The following GABRA4 variants were observed in gnomAD, a reference collection of about 807,000 sequenced individuals.
The protein encoded by GABRA4 is gamma-aminobutyric acid receptor subunit alpha-4.
A neutral mutation model predicts 49.7 loss-of-function variants in GABRA4; 12 were observed. That is an observed-to-expected ratio of 0.24 (90% CI 0.15 to 0.39). GABRA4 has a LOEUF of 0.39. Among genes scored for constraint, GABRA4 ranks in the 10% least tolerant of loss-of-function variants. GABRA4 has a pLI of 1.00. For synonymous variants in GABRA4, 288 were observed against 240.2 expected (o/e 1.20, Z -1.84); for missense variants, 506 against 686.0 (o/e 0.74, Z 2.93).
chr4:46,935,438 T>C (rs1721573797), intron 8 of GABRA4, among the ~76,000 whole-genome samples: 1 of 152,172 alleles, frequency 6.6e-6, no homozygotes, highest in Non-Finnish European at 1.5e-5. Context: ...CCAGCTGAAG[T>C]CACATAATAA....
At chr4:46,993,016 A>C in intron 1 of GABRA4, 70 bp from the exon 2 acceptor site, 1 of 1,207,476 alleles carries the variant, frequency 8.3e-7, no homozygotes, top group Admixed American at 1.8e-5. Flanking sequence ...AACAGGTGCA[A>C]ACAGGTTTGT....
chr4:46,980,076 T>A (rs1004307634), intron 2 of GABRA4, among the ~76,000 whole-genome samples: 3 of 152,100 alleles, frequency 2.0e-5, no homozygotes, highest in African/African-American at 7.2e-5. Context: ...AAGTCACATA[T>A]CCTCATAGGT....
At chr4:46,965,715 T>A (rs1722730574) in intron 7 of GABRA4, among the ~76,000 whole-genome samples, 1 of 151,802 alleles carries the variant, frequency 6.6e-6, no homozygotes, top group African/African-American at 2.4e-5. Context: ...TCAGAATTTC[T>A]GGAGTTAAGC....
At chr4:46,985,129 T>C (rs180947531) in intron 2 of GABRA4, among the ~76,000 whole-genome samples, 8 of 152,158 alleles carry the variant, frequency 5.3e-5, no homozygotes, top group Admixed American at 3.3e-4. Context: ...AGAATGATTT[T>C]TAGCAATATA....
Position 46,982,690 on chromosome 4 carries a change from T to C in GABRA4, c.206-3592A>G, listed in dbSNP as rs78121979. ...AAGTTTGATTTGTATCCCATAGTCA[T>C]TGGGAGGCCACTGAGGGTTTGAAGT... On this transcript the variant is annotated intron_variant, in intron 2 of 8. Coordinates refer to ENST00000264318, the MANE Select transcript of GABRA4 (RefSeq NM_000809.4). Among the ~76,000 whole-genome samples, 585 of 152,206 alleles carry C rather than the reference T, an allele frequency of 3.8e-3. 2 individuals are homozygous for C. The highest frequency in any genetic ancestry group is 0.014 in the African/African-American group (565 of 41,540).
chr4:46,937,304 G>A (rs1721635961), intron 8 of GABRA4, among the ~76,000 whole-genome samples: 1 of 152,140 alleles, frequency 6.6e-6, no homozygotes, highest in Non-Finnish European at 1.5e-5. Context: ...AGAACTGTGA[G>A]AAATAAATTT....
At chr4:46,966,274 C>A (rs2109377700) in intron 7 of GABRA4, among the ~76,000 whole-genome samples, 1 of 151,754 alleles carries the variant, frequency 6.6e-6, no homozygotes, top group South Asian at 2.1e-4. Flanking sequence ...TGACACACAA[C>A]ACATTTGGGG....
intron 6 of GABRA4, among the ~76,000 whole-genome samples, chr4:46,972,155 C>T (rs1012238899): frequency 1.3e-5 from 2 of 151,496 alleles, no homozygotes; most frequent in African/African-American, 4.8e-5. Context: ...AGGCAAGGTG[C>T]CCTTTAGAAA....
At chr4:46,934,477 G>A (rs1399408435) in intron 8 of GABRA4, among the ~76,000 whole-genome samples, 2 of 152,054 alleles carry the variant, frequency 1.3e-5, no homozygotes, top group Non-Finnish European at 2.9e-5. Context: ...ATCATATATT[G>A]AGCTCCAAAA....
intron 7 of GABRA4, among the ~76,000 whole-genome samples, chr4:46,970,558 T>C (rs536841980): frequency 1.3e-3 from 192 of 151,484 alleles, no homozygotes; most frequent in African/African-American, 4.3e-3. Flanking sequence ...AAAACCAATG[T>C]TTAGAAAAAA....
chr4:46,988,853 A>T (rs1723636274), intron 2 of GABRA4, among the ~76,000 whole-genome samples: 1 of 152,180 alleles, frequency 6.6e-6, no homozygotes, highest in South Asian at 2.1e-4. Flanking sequence ...GGTTTTAAAG[A>T]TGAGGGTGTG....
At chr4:46,988,446 T>A in intron 2 of GABRA4, among the ~76,000 whole-genome samples, 1 of 152,318 alleles carries the variant, frequency 6.6e-6, no homozygotes, top group East Asian at 1.9e-4. Flanking sequence ...AGCTTTATGT[T>A]GCTGAGAAGT....
intron 8 of GABRA4, among the ~76,000 whole-genome samples, chr4:46,943,899 T>A (rs1417477145): frequency 6.6e-6 from 1 of 152,126 alleles, no homozygotes; most frequent in Non-Finnish European, 1.5e-5. Flanking sequence ...GCTTTTAGGG[T>A]ATCCATCTCC....
At chr4:46,938,460 G>C (rs1057093539) in intron 8 of GABRA4, among the ~76,000 whole-genome samples, 1 of 151,982 alleles carries the variant, frequency 6.6e-6, no homozygotes, top group Admixed American at 6.6e-5. Context: ...TTATCAAGGT[G>C]GGATTTTCAG....
rs192389915 is a variant in GABRA4, at chr4:46,948,099, C to T, written c.1134+16871G>A. Among the ~76,000 whole-genome samples the T allele has an allele frequency of 3.4e-4, 52 of 152,200 alleles. No homozygotes were observed. In the East Asian group the frequency reaches 9.3e-3, roughly 27 times the overall value. ...CTGCATTCTTTTTATTTTACTTTAT[C>T]AACTACTCTCAATATATCAAGAGGC... is the stretch of plus-strand genomic sequence containing the variant. On this transcript the variant is annotated intron_variant, in intron 8 of 8. Coordinates refer to ENST00000264318, the MANE Select transcript of GABRA4 (RefSeq NM_000809.4).
chr4:46,990,268 G>A (rs947801598), intron 2 of GABRA4, among the ~76,000 whole-genome samples: 5 of 152,280 alleles, frequency 3.3e-5, no homozygotes, highest in African/African-American at 1.2e-4. Context: ...AGATCATTTG[G>A]CAGTGACAAA....
Position 46,928,309 on chromosome 4 carries a change from T to C in GABRA4, c.1581A>G (p.Pro527=), listed in dbSNP as rs1721305669. The part of the protein sequence containing the change: ...KIDKYARILF[P]VTFGAFNMVY... ...CCATGTTAAATGCCCCAAATGTGAC[T>C]GGAAAGAGAATACGGGCATATTTGT... Residue 527 remains proline, a synonymous_variant, in exon 9 of 9, where the codon CCA becomes CCG. Coordinates refer to ENST00000264318, the MANE Select transcript of GABRA4 (RefSeq NM_000809.4). 6.2e-7 allele frequency: 1 copy of C among 1,613,374 alleles called. No individual in the cohort carries two copies. Among genetic ancestry groups the C allele is most frequent in the South Asian group, 1.1e-5 (1 of 91,078 alleles).
intron 7 of GABRA4, among the ~76,000 whole-genome samples, chr4:46,965,580 G>A (rs1055819336): frequency 1.3e-5 from 2 of 151,720 alleles, no homozygotes; most frequent in Non-Finnish European, 2.9e-5. Context: ...GATGATCCTG[G>A]AAACTGAGCC....
In GABRA4 at chr4:46,950,352, T is replaced by C. The variant is rs541859797; in HGVS notation, c.1134+14618A>G. Among the ~76,000 whole-genome samples, 10 of 152,174 alleles carry C rather than the reference T, an allele frequency of 6.6e-5. 1 individual carries two copies. The South Asian group carries it at 2.1e-3, about 32-fold the overall frequency. On this transcript the variant is annotated intron_variant, in intron 8 of 8. Transcript: ENST00000264318. ...TTTGATACTCTCAGCTCAGCCTAAA[T>C]CTCTGTCTTCAAAACAAATAACCTA...
Sources: allele counts gnomAD v4.1 joint callset (sites outside exome capture counted in the v4.1 genomes callset), GRCh38; gene constraint gnomAD v4.1.1; transcripts MANE v1.5; gene names NCBI Gene and HGNC (gene_info 2026-07-23, HGNC 2026-07-21).